IRAG2: variants seen among roughly 807,000 people sequenced by gnomAD.
The protein encoded by IRAG2 is inositol 1,4,5-triphosphate receptor associated 2.
A neutral mutation model predicts 69.9 loss-of-function variants in IRAG2; 45 were observed. The observed-to-expected ratio is 0.64, with a 90% CI of 0.51 to 0.83. IRAG2 has a LOEUF of 0.83. Among genes scored for constraint, IRAG2 ranks in the 40% least tolerant of loss-of-function variants. IRAG2 has a pLI of 0.00. For missense variants in IRAG2, 520 were observed against 587.0 expected, an observed-to-expected ratio of 0.89 and a Z score of 1.18; for synonymous variants, 193 against 202.4, an observed-to-expected ratio of 0.95 and a Z score of 0.40.
intron 8 of IRAG2, among the ~76,000 whole-genome samples, chr12:25,025,172 G>C (rs967630924): frequency 1.3e-5 from 2 of 152,218 alleles, no homozygotes; most frequent in African/African-American, 4.8e-5. Context: ...TAGTATGTTA[G>C]ACGGTAAAAA....
chr12:25,065,744 A>C (rs1034822987), intron 4 of IRAG2, among the ~76,000 whole-genome samples: 5 of 152,214 alleles, frequency 3.3e-5, no homozygotes, highest in Non-Finnish European at 7.3e-5. Flanking sequence ...AACACGGCTC[A>C]CTGCAGCCTC....
chr12:25,033,586 G>A (rs2139850358), intron 12 of IRAG2, among the ~76,000 whole-genome samples: 1 of 152,312 alleles, frequency 6.6e-6, no homozygotes, highest in East Asian at 1.9e-4. Flanking sequence ...AGATTTTTAA[G>A]TGACATTTTC....
At chr12:25,017,805 A>G (rs1422568016) in intron 6 of IRAG2, among the ~76,000 whole-genome samples, 4 of 151,804 alleles carry the variant, frequency 2.6e-5, no homozygotes, top group African/African-American at 9.7e-5. Flanking sequence ...TATTTTCACC[A>G]CTCCAAAAAG....
chr12:25,009,096 A>T (rs919805918), intron 2 of IRAG2, among the ~76,000 whole-genome samples: 1 of 152,178 alleles, frequency 6.6e-6, no homozygotes, highest in Admixed American at 6.6e-5. Context: ...TGAGGCCAGG[A>T]GTTCAAGACC....
At chr12:25,005,832 C>G (rs1006920673) in intron 2 of IRAG2, among the ~76,000 whole-genome samples, 1 of 152,016 alleles carries the variant, frequency 6.6e-6, no homozygotes, top group African/African-American at 2.4e-5. Context: ...TTGGCCTTGG[C>G]AAATAATTTA....
Position 25,090,097 on chromosome 12 carries a change from G to A in IRAG2, c.506G>A (p.Trp169Ter). 6.2e-7 allele frequency: 1 copy of A among 1,614,030 alleles called. No homozygotes were observed. The highest frequency in any genetic ancestry group is 8.5e-7 in the Non-Finnish European group (1 of 1,179,890). Residue 169 changes from tryptophan (W) to a stop codon, truncating the protein, a stop_gained, in exon 14 of 22, where the codon TGG (tryptophan) becomes TAG (stop). Coordinates refer to ENST00000556887, the MANE Select transcript of IRAG2 (RefSeq NM_001366544.2). LOFTEE classifies it high-confidence loss of function. ...TTATCTTTGGGATTTAAGTGTGACTGGTTTACCTTGGAGAAGAGAGTGAAG... is the reference window on the plus strand; with the variant it reads ...TTATCTTTGGGATTTAAGTGTGACTAGTTTACCTTGGAGAAGAGAGTGAAG... ...LRLSLGFKCD[W>*]FTLEKRVKLE...
At chr12:25,006,041 A>G (rs192934658) in intron 2 of IRAG2, among the ~76,000 whole-genome samples, 1 of 152,354 alleles carries the variant, frequency 6.6e-6, no homozygotes, top group South Asian at 2.1e-4. Context: ...CAAACAAAAA[A>G]TAACCTCATT....
chr12:25,099,087 A>G (rs1297362725), intron 15 of IRAG2, among the ~76,000 whole-genome samples: 1 of 151,822 alleles, frequency 6.6e-6, no homozygotes, highest in Admixed American at 6.6e-5. Flanking sequence ...TGCACATCTG[A>G]TCTCCATGTG....
At chr12:25,021,250 A>T (rs1413516324) in intron 7 of IRAG2, among the ~76,000 whole-genome samples, 1 of 151,940 alleles carries the variant, frequency 6.6e-6, no homozygotes, top group African/African-American at 2.4e-5. Flanking sequence ...GATTATAGGC[A>T]TGAGCCACTG....
Position 25,013,248 on chromosome 12 carries a change from G to A in IRAG2, c.896+1697G>A, listed in dbSNP as rs185747121. ...TCCCAGCACTTTGGAAGGCCAAGGC[G>A]GGAGCATCACCTGAGGCCAGGAGTT... On this transcript the variant is annotated intron_variant, in intron 3 of 38. Coordinates refer to the IRAG2 transcript ENST00000636465. 5.9e-5 allele frequency among the ~76,000 whole-genome samples: 9 copies of A among 152,274 alleles called. No homozygotes were observed. The East Asian group carries it at 1.4e-3, about 23-fold the overall frequency.
At chr12:25,094,106 A>G (rs1283850498) in intron 14 of IRAG2, among the ~76,000 whole-genome samples, 2 of 149,360 alleles carry the variant, frequency 1.3e-5, no homozygotes, top group African/African-American at 4.9e-5. Flanking sequence ...CCATTTGTCT[A>G]TTTTCACTTT....
At chr12:25,081,659 T>C (rs550859703) in intron 9 of IRAG2, among the ~76,000 whole-genome samples, 128 of 152,330 alleles carry the variant, frequency 8.4e-4, no homozygotes, top group African/African-American at 2.8e-3. Context: ...ATAGATAATA[T>C]GCACACACAT....
At chr12:25,050,605 C>T (rs1293517585), upstream of IRAG2, among the ~76,000 whole-genome samples, 1 of 150,916 alleles carries the variant, frequency 6.6e-6, no homozygotes, top group African/African-American at 2.4e-5. Flanking sequence ...AAACTACCAT[C>T]TGATCTAGGA....
chr12:25,068,370 A>G (rs754833988), intron 5 of IRAG2, among the ~76,000 whole-genome samples: 104 of 152,154 alleles, frequency 6.8e-4, no homozygotes, highest in Non-Finnish European at 9.3e-4. Context: ...GTCTTTGTGG[A>G]GTTGGGGTGT....
At chr12:25,015,118 A>C in intron 3 of IRAG2, 1 of 450,242 alleles carries the variant, frequency 2.2e-6, no homozygotes, top group Non-Finnish European at 3.1e-6. Context: ...AAAAAGACAA[A>C]ACTTGGTCAG....
chr12:25,065,089 C>CAAAAA (rs35101161), intron 4 of IRAG2, among the ~76,000 whole-genome samples: 1 of 142,828 alleles, frequency 7.0e-6, no homozygotes, highest in Non-Finnish European at 1.5e-5. Context: ...GACTCAGTCT[C>CAAAAA]AAAAAAAAAA....
At chr12:25,012,226 C>A (rs1387008840) in intron 3 of IRAG2, among the ~76,000 whole-genome samples, 1 of 142,500 alleles carries the variant, frequency 7.0e-6, no homozygotes, top group Non-Finnish European at 1.5e-5. Flanking sequence ...GCAATCTCTG[C>A]TCACTGCAAC....
rs1322090595 is a variant in IRAG2, at chr12:25,027,456, G to A, written c.1461+590G>A. On this transcript the variant is annotated intron_variant, in intron 9 of 38. Coordinates refer to the IRAG2 transcript ENST00000636465. ...TTTGCCCAGGCTGGAGTGCAGTGGTGCAATCTTGGCTCACTGCAAGCTCTG... is the reference window on the plus strand; with the variant it reads ...TTTGCCCAGGCTGGAGTGCAGTGGTACAATCTTGGCTCACTGCAAGCTCTG... Among the ~76,000 whole-genome samples the A allele has an allele frequency of 6.1e-5, 9 of 147,626 alleles. No homozygotes were observed. In the East Asian group the frequency reaches 1.8e-3, roughly 29 times the overall value.
rs375159417 is a variant in IRAG2 at position 25,104,476 on chromosome 12, A to G, written c.1148+14A>G. 392 of 1,471,378 alleles carry G rather than the reference A, an allele frequency of 2.7e-4. No individual in the cohort carries two copies. The highest frequency in any genetic ancestry group is 3.5e-4 in the Non-Finnish European group (372 of 1,049,702). The allele number at this position is 1,471,378 out of a possible 1,614,324, so 91.1% of individuals were successfully genotyped here. ...ATGTGAACTAAAGTAGGTGAAGCTC[A>G]GTGTGTTTATTAACCTGACATGAAC... is the stretch of plus-strand genomic sequence containing the variant. On this transcript the variant is annotated intron_variant, in intron 20 of 21. Coordinates refer to ENST00000556887, the MANE Select transcript of IRAG2 (RefSeq NM_001366544.2).
Sources: allele counts gnomAD v4.1 joint callset (sites outside exome capture counted in the v4.1 genomes callset), GRCh38; gene constraint gnomAD v4.1.1; transcripts MANE v1.5; gene names NCBI Gene and HGNC (gene_info 2026-07-23, HGNC 2026-07-21).